The following SCYL3 variants were observed in gnomAD, a reference collection of about 807,000 sequenced individuals.
SCYL3 encodes SCY1 like pseudokinase 3.
A neutral mutation model predicts 73.8 loss-of-function variants in SCYL3; 35 were observed. That is an observed-to-expected ratio of 0.47 (90% CI 0.36 to 0.63). The LOEUF is 0.63. Among genes scored for constraint, SCYL3 ranks in the 20% least tolerant of loss-of-function variants. The pLI, the probability that SCYL3 is intolerant of heterozygous loss-of-function variation, is 0.00. For synonymous variants in SCYL3, 277 were observed against 295.2 expected (o/e 0.94, Z 0.63); for missense variants, 712 against 798.9 (o/e 0.89, Z 1.31).
chr1:169,870,206 A>G (rs1660297816), intron 6 of SCYL3, 49 bp downstream of exon 6: 3 of 1,308,594 alleles, frequency 2.3e-6, no homozygotes, highest in East Asian at 2.3e-5. Context: ...TACGTCATGG[A>G]TGATTTTCCT....
rs372262640 is a variant in SCYL3, at chr1:169,853,734, G to A, written c.2046C>T (p.Asn682=). The change falls in exon 13 of 13, where the codon AAC becomes AAT. Residue 682 remains asparagine (N), a synonymous_variant. Coordinates refer to ENST00000367771, the MANE Select transcript of SCYL3 (RefSeq NM_020423.7). The part of the protein sequence containing the change: ...AEGWEEEGEL[N]WEDNNW ...ATTGTCACCAGTTATTATCTTCCCA[G>A]TTCAGCTCCCCTTCTTCTTCCCAGC... 15 of 1,613,464 alleles carry A rather than the reference G, an allele frequency of 9.3e-6. No homozygotes were observed. Among genetic ancestry groups the A allele is most frequent in the African/African-American group, 2.7e-5 (2 of 74,836 alleles).
chr1:169,855,906 A>G, intron 11 of SCYL3: 1 of 1,613,996 alleles, frequency 6.2e-7, no homozygotes, highest in Middle Eastern at 1.6e-4. Flanking sequence ...GGGGTTCTCC[A>G]AGATTGGCGA....
intron 9 of SCYL3, among the ~76,000 whole-genome samples, chr1:169,863,247 A>T (rs1441718952): frequency 6.6e-6 from 1 of 152,208 alleles, no homozygotes; most frequent in Non-Finnish European, 1.5e-5. Flanking sequence ...AAACCAAAGC[A>T]AAGTTCTTTT....
chr1:169,881,871 T>C (rs552226156), intron 2 of SCYL3, among the ~76,000 whole-genome samples: 28 of 152,368 alleles, frequency 1.8e-4, no homozygotes, highest in Admixed American at 6.5e-4. Flanking sequence ...GTGCACAACC[T>C]AGATCTCTTG....
At chr1:169,858,984 A>C in intron 11 of SCYL3, 57 bp downstream of exon 11, 1 of 1,482,392 alleles carries the variant, frequency 6.7e-7, no homozygotes, top group Non-Finnish European at 9.3e-7. Flanking sequence ...TACTTATATA[A>C]TACTAAAAAT....
chr1:169,853,679 A>ATCCTT lies in SCYL3; in HGVS notation c.*29_*33dup. 1.2e-6 allele frequency: 2 copies of ATCCTT among 1,603,308 alleles called. No individual in the cohort carries two copies. Among genetic ancestry groups the ATCCTT allele is most frequent in the Non-Finnish European group, 1.7e-6 (2 of 1,173,606 alleles). On this transcript the variant is annotated 3_prime_UTR_variant, in exon 13 of 13. Transcript: ENST00000367771. ...TATTGATTTTTTTTAAAAAAAGGGAATCCTTTTTCCTAAAGTTTAACTCAC... is the reference window on the plus strand; with the variant it reads ...TATTGATTTTTTTTAAAAAAAGGGAATCCTTTCCTTTTTCCTAAAGTTTAACTCAC...
At chr1:169,856,886 C>A (rs1049783047) in intron 11 of SCYL3, among the ~76,000 whole-genome samples, 7 of 152,126 alleles carry the variant, frequency 4.6e-5, no homozygotes, top group Non-Finnish European at 1.0e-4. Context: ...TTTAAAAATT[C>A]TTTTAGCATC....
chr1:169,861,205 C>T (rs12144207), intron 10 of SCYL3, among the ~76,000 whole-genome samples: 10,140 of 152,266 alleles, frequency 0.067, 432 homozygotes, highest in Non-Finnish European at 0.099. Flanking sequence ...TATCCATGCC[C>T]TTGAGTAAAC....
At chr1:169,883,307 C>T (rs1661436355) in intron 2 of SCYL3, among the ~76,000 whole-genome samples, 1 of 152,156 alleles carries the variant, frequency 6.6e-6, no homozygotes, top group African/African-American at 2.4e-5. Flanking sequence ...TGCCCACTGC[C>T]CACAGCCTCC....
Position 169,864,499 on chromosome 1 carries a change from C to G in SCYL3, c.825G>C (p.Leu275=). 1 of 1,590,972 alleles carries G rather than the reference C, an allele frequency of 6.3e-7. No individual in the cohort carries two copies. Among genetic ancestry groups the G allele is most frequent in the East Asian group, 2.2e-5 (1 of 44,750 alleles). ...EEKTEFFKFL[L]DRVSCLSEEL... is the part of the protein sequence containing the mutation. ...CCTCTGACAAGCAGCTGACTCTGTC[C>G]AGCAGAAATCTGAGGACAAAAAGGG... The change falls in exon 9 of 13, where the codon CTG becomes CTC. Residue 275 remains leucine (L), a synonymous_variant. Transcript: ENST00000367771.
intron 8 of SCYL3, 28 bp downstream of exon 8, chr1:169,866,868 A>G (rs1558126867): frequency 8.0e-7 from 1 of 1,246,470 alleles, no homozygotes; most frequent in East Asian, 2.3e-5. Flanking sequence ...AAGTTATTCA[A>G]TTTAAATTCT....
chr1:169,870,190 A>G, intron 6 of SCYL3, 65 bp downstream of exon 6: 1 of 1,226,648 alleles, frequency 8.2e-7, no homozygotes, highest in Non-Finnish European at 1.2e-6. Flanking sequence ...TGAATTCCAC[A>G]CAGAATACGT....
At chr1:169,885,267 T>C (rs752186064) in intron 2 of SCYL3, among the ~76,000 whole-genome samples, 5 of 152,260 alleles carry the variant, frequency 3.3e-5, no homozygotes, top group Non-Finnish European at 7.3e-5. Flanking sequence ...TATGAGATTC[T>C]TTCCCTAAAT....
intron 5 of SCYL3, among the ~76,000 whole-genome samples, chr1:169,872,616 C>T (rs1381477268): frequency 1.3e-5 from 2 of 152,168 alleles, no homozygotes; most frequent in Non-Finnish European, 2.9e-5. Flanking sequence ...GGAAAAGCTG[C>T]AGACATTCAA....
rs750559330 is a variant in SCYL3, at chr1:169,854,708, G to A, written c.1569C>T (p.Ser523=). Residue 523 remains serine, a synonymous_variant, in exon 12 of 13, where the codon AGC becomes AGT. Transcript: ENST00000367771. ...CTCCTGGGTTTACTTTAGTATCTAAGCTGCTGGGCTCGCAGTCATCCCAAG... is the reference window on the plus strand; with the variant it reads ...CTCCTGGGTTTACTTTAGTATCTAAACTGCTGGGCTCGCAGTCATCCCAAG... ...ESSWDDCEPS[S]LDTKVNPGGG... The A allele has an allele frequency of 2.5e-6, 4 of 1,613,900 alleles. No homozygotes were observed. The highest frequency in any genetic ancestry group is 2.5e-6 in the Non-Finnish European group (3 of 1,179,942).
chr1:169,855,941 G>A (rs751041595), intron 11 of SCYL3: 6 of 1,613,274 alleles, frequency 3.7e-6, no homozygotes, highest in Middle Eastern at 1.6e-4. Flanking sequence ...GGCTGCAGAC[G>A]ACACACATAG....
At position 169,854,578 on chromosome 1, in the gene SCYL3, G is replaced by C; in HGVS notation, c.1699C>G (p.Gln567Glu). Residue 567 changes from glutamine to glutamate, a missense_variant, in exon 12 of 13, where the codon CAA becomes GAA. Around this residue, in one of 2 missense-constraint regions of SCYL3, gnomAD observed 370 missense variants for 350.8 expected, o/e 1.05. Transcript: ENST00000367771. ...ESMPWKSSLP[Q>E]KISLVQRGDD... Reference sequence around the variant, plus strand: ...CCCCTTTGTACAAGGCTAATCTTTTGGGGTAAGCTTGATTTCCAAGGCATA... The same window carrying C: ...CCCCTTTGTACAAGGCTAATCTTTTCGGGTAAGCTTGATTTCCAAGGCATA... 1 of 1,613,582 alleles carries C rather than the reference G, an allele frequency of 6.2e-7. No individual in the cohort carries two copies. Among genetic ancestry groups the C allele is most frequent in the Non-Finnish European group, 8.5e-7 (1 of 1,179,776 alleles).
chr1:169,850,385 ATTTT>A lies in SCYL3; in HGVS notation c.*3324_*3327del. On this transcript the variant is annotated 3_prime_UTR_variant, in exon 13 of 13. Transcript: ENST00000367771. ...TGGCTCATGTTTTATTCTTTGTCCT[ATTTT>A]TTTTTTTCCGAAATTATGTAACTGT... is the stretch of plus-strand genomic sequence containing the variant. The A allele has an allele frequency of 8.8e-7, 1 of 1,130,050 alleles. No homozygotes were observed. The highest frequency in any genetic ancestry group is 1.6e-5 in the African/African-American group (1 of 61,536). 70.0% of individuals were successfully genotyped at this position (1,130,050 alleles called of 1,614,324 possible).
At position 169,859,070 on chromosome 1, in the gene SCYL3, A is replaced by T. The variant is rs751263683; in HGVS notation, c.1283T>A (p.Phe428Tyr). ...TAGAGAAAGGTCAGTATTTTTAGTA[A>T]AACTTGGGGCAGTGCGTTTGAAGAT... ...TKIFKRTAPS[F>Y]TKNTDLSLEG... The change falls in exon 11 of 13, where the codon TTT becomes TAT. Residue 428 changes from phenylalanine to tyrosine, a missense_variant. Coordinates refer to ENST00000367771, the MANE Select transcript of SCYL3 (RefSeq NM_020423.7). 2 of 1,613,428 alleles carry T rather than the reference A, an allele frequency of 1.2e-6. No homozygotes were observed. Among genetic ancestry groups the T allele is most frequent in the African/African-American group, 2.7e-5 (2 of 74,866 alleles).
Sources: allele counts gnomAD v4.1 joint callset (sites outside exome capture counted in the v4.1 genomes callset), GRCh38; gene constraint gnomAD v4.1.1; regional missense constraint gnomAD v4.1.1; transcripts MANE v1.5; gene names NCBI Gene and HGNC (gene_info 2026-07-23, HGNC 2026-07-21).